Variants in TMEM132B observed in about 807,000 individuals in gnomAD.
TMEM132B encodes the protein transmembrane protein 132B.
In TMEM132B, 18 loss-of-function variants were observed where a neutral mutation model predicts 90.8. The observed-to-expected ratio is 0.20, with a 90% CI of 0.14 to 0.29. TMEM132B has a LOEUF of 0.29. TMEM132B is among the 10% of genes least tolerant of loss of function. The probability of loss-of-function intolerance (pLI) is 1.00; values close to 1 mark genes in which losing one functional copy is unlikely to be tolerated. For missense variants in TMEM132B, 1,096 were observed against 1,326.8 expected, an observed-to-expected ratio of 0.83 and a Z score of 2.70; for synonymous variants, 504 against 523.3, an observed-to-expected ratio of 0.96 and a Z score of 0.50.
At chr12:125,232,391 ATTCTC>A (rs1307364771) in intron 1 of TMEM132B, among the ~76,000 whole-genome samples, 2 of 152,142 alleles carry the variant, frequency 1.3e-5, no homozygotes, top group African/African-American at 4.8e-5. Flanking sequence ...TTTCTTAAAT[ATTCTC>A]TTCTAAGAAT....
chr12:125,292,540 C>T (rs554253674), intron 1 of TMEM132B, among the ~76,000 whole-genome samples: 1 of 152,336 alleles, frequency 6.6e-6, no homozygotes, highest in East Asian at 1.9e-4. Flanking sequence ...CAACTCAAAA[C>T]TGGCTTGCAC....
At chr12:125,599,583 G>T (rs1431789177) in intron 5 of TMEM132B, among the ~76,000 whole-genome samples, 1 of 152,114 alleles carries the variant, frequency 6.6e-6, no homozygotes, top group Non-Finnish European at 1.5e-5. Flanking sequence ...TCATGCTTGG[G>T]TCCCATGCTC....
At chr12:125,550,430 C>T (rs911831378) in intron 4 of TMEM132B, among the ~76,000 whole-genome samples, 2 of 152,150 alleles carry the variant, frequency 1.3e-5, no homozygotes, top group Non-Finnish European at 2.9e-5. Flanking sequence ...ATTTCCTGAT[C>T]AAATTACTGC....
At chr12:125,380,053 A>G (rs900229172) in intron 2 of TMEM132B, among the ~76,000 whole-genome samples, 15 of 152,210 alleles carry the variant, frequency 9.9e-5, no homozygotes, top group African/African-American at 3.1e-4. Context: ...TTCATTTCCT[A>G]GGGCTTTCAT....
intron 2 of TMEM132B, among the ~76,000 whole-genome samples, chr12:125,386,697 A>G (rs2136294745): frequency 6.6e-6 from 1 of 152,348 alleles, no homozygotes; most frequent in East Asian, 1.9e-4. Flanking sequence ...GAGCAAGTGC[A>G]AAGACTCTGA....
intron 4 of TMEM132B, among the ~76,000 whole-genome samples, chr12:125,536,784 G>C (rs1883809647): frequency 6.6e-6 from 1 of 152,022 alleles, no homozygotes; most frequent in South Asian, 2.1e-4. Flanking sequence ...CCTAGAACCT[G>C]TGGATATGTT....
intron 1 of TMEM132B, among the ~76,000 whole-genome samples, chr12:125,328,964 T>C (rs1404415349): frequency 6.6e-6 from 1 of 152,172 alleles, no homozygotes; most frequent in Non-Finnish European, 1.5e-5. Flanking sequence ...CAGGACTGGC[T>C]CTTAATGGAT....
intron 7 of TMEM132B, among the ~76,000 whole-genome samples, chr12:125,651,629 G>A (rs1034996160): frequency 6.6e-6 from 1 of 152,152 alleles, no homozygotes; most frequent in Non-Finnish European, 1.5e-5. Flanking sequence ...CCACAAACTA[G>A]CAGCTTAAAA....
chr12:125,217,228 A>C (rs1873457835), intron 1 of TMEM132B, among the ~76,000 whole-genome samples: 1 of 152,176 alleles, frequency 6.6e-6, no homozygotes, highest in Non-Finnish European at 1.5e-5. Flanking sequence ...AGCCAGCTGC[A>C]GGCCATACCT....
intron 3 of TMEM132B, among the ~76,000 whole-genome samples, chr12:125,422,816 C>T (rs1444529553): frequency 1.3e-5 from 2 of 152,176 alleles, no homozygotes; most frequent in African/African-American, 4.8e-5. Context: ...TCCCCTGGAG[C>T]CCTCGGCAGG....
chr12:125,560,006 C>T (rs1385652855), intron 4 of TMEM132B, among the ~76,000 whole-genome samples: 1 of 152,208 alleles, frequency 6.6e-6, no homozygotes, highest in Non-Finnish European at 1.5e-5. Context: ...CCTCTCTGGG[C>T]TCCCGCTTCT....
chr12:125,494,613 T>C (rs1458816462), intron 3 of TMEM132B, among the ~76,000 whole-genome samples: 4 of 96,316 alleles, frequency 4.2e-5, no homozygotes, highest in South Asian at 4.1e-4. Context: ...AATGGCCGCG[T>C]CCCTCCTCCC....
At chr12:125,484,651 G>T (rs1019071420) in intron 3 of TMEM132B, among the ~76,000 whole-genome samples, 2 of 152,112 alleles carry the variant, frequency 1.3e-5, no homozygotes, top group African/African-American at 4.8e-5. Context: ...TTATTATTGT[G>T]ACAGGGTCTT....
chr12:125,591,959 G>T (rs1239791202), intron 5 of TMEM132B, among the ~76,000 whole-genome samples: 2 of 152,098 alleles, frequency 1.3e-5, no homozygotes, highest in Non-Finnish European at 2.9e-5. Flanking sequence ...GTTTCGACTT[G>T]GCCATATCTT....
At chr12:125,337,410 G>A (rs1877004284) in intron 1 of TMEM132B, among the ~76,000 whole-genome samples, 1 of 152,184 alleles carries the variant, frequency 6.6e-6, no homozygotes, top group African/African-American at 2.4e-5. Context: ...CCTTCCAGGT[G>A]ATGGCTTTGT....
intron 1 of TMEM132B, among the ~76,000 whole-genome samples, chr12:125,188,540 C>T (rs1192527379): frequency 6.9e-6 from 1 of 144,490 alleles, no homozygotes; most frequent in Non-Finnish European, 1.5e-5. Context: ...CCTACCACCC[C>T]CCCACCCCCG....
At chr12:125,608,137 C>T (rs141214193) in intron 5 of TMEM132B, among the ~76,000 whole-genome samples, 1 of 152,084 alleles carries the variant, frequency 6.6e-6, no homozygotes, top group Non-Finnish European at 1.5e-5. Context: ...TTTGGTAAAT[C>T]CAATATTTTA....
At chr12:125,384,463 A>C (rs954336948) in intron 2 of TMEM132B, among the ~76,000 whole-genome samples, 2 of 152,224 alleles carry the variant, frequency 1.3e-5, no homozygotes, top group East Asian at 1.9e-4. Flanking sequence ...ATGTTTTGCT[A>C]TATGTTTAAA....
At chr12:125,333,461 G>T (rs183943861) in intron 1 of TMEM132B, among the ~76,000 whole-genome samples, 1 of 152,192 alleles carries the variant, frequency 6.6e-6, no homozygotes, top group South Asian at 2.1e-4. Flanking sequence ...CATTCATGAA[G>T]AATAAATGTC....
Sources: allele counts gnomAD v4.1 joint callset (sites outside exome capture counted in the v4.1 genomes callset), GRCh38; gene constraint gnomAD v4.1.1; transcripts MANE v1.5; gene names NCBI Gene and HGNC (gene_info 2026-07-23, HGNC 2026-07-21).